NXPH1: variants seen among roughly 807,000 people sequenced by gnomAD.
NXPH1 encodes neurexophilin 1, also known as neurexophilin-1.
A neutral mutation model predicts 23.7 loss-of-function variants in NXPH1; 5 were observed. The observed-to-expected ratio is 0.21, with a 90% CI of 0.11 to 0.44. The LOEUF is 0.44. Ranked by LOEUF, NXPH1 falls within the 20% of genes least tolerant of loss-of-function variation. NXPH1 has a pLI of 0.99. For missense variants in NXPH1, 324 were observed against 321.6 expected, an observed-to-expected ratio of 1.01 and a Z score of -0.06; for synonymous variants, 144 against 122.2, an observed-to-expected ratio of 1.18 and a Z score of -1.18.
At chr7:8,616,951 G>C (rs988037986) in intron 2 of NXPH1, among the ~76,000 whole-genome samples, 1 of 152,032 alleles carries the variant, frequency 6.6e-6, no homozygotes, top group Non-Finnish European at 1.5e-5. Flanking sequence ...CGTTATAGTA[G>C]TTGTGCCAAG....
chr7:8,663,783 G>A lies in NXPH1; in HGVS notation c.55-87225G>A, dbSNP rs769891395. On this transcript the variant is annotated intron_variant, in intron 2 of 2. Coordinates refer to ENST00000405863, the MANE Select transcript of NXPH1 (RefSeq NM_152745.3). ...ATCCTGTGATACAGAGAAATAATTG[G>A]GTTTCCAATGTCTGATAGTCTTAAT... 3.9e-5 allele frequency among the ~76,000 whole-genome samples: 6 copies of A among 152,108 alleles called. No individual in the cohort carries two copies. In the East Asian group the frequency reaches 7.8e-4, roughly 20 times the overall value.
At chr7:8,488,249 T>C (rs771941608) in intron 2 of NXPH1, among the ~76,000 whole-genome samples, 4 of 148,372 alleles carry the variant, frequency 2.7e-5, no homozygotes, top group South Asian at 2.1e-4. Context: ...ATCTTACATA[T>C]TACATCTTAC....
Position 8,563,659 on chromosome 7 carries a change from A to C in NXPH1, c.54+127892A>C, listed in dbSNP as rs1022452711. Among the ~76,000 whole-genome samples, 3 of 151,714 alleles carry C rather than the reference A, an allele frequency of 2.0e-5. No homozygotes were observed. The South Asian group carries it at 6.2e-4, about 31-fold the overall frequency. On this transcript the variant is annotated intron_variant, in intron 2 of 2. Coordinates refer to ENST00000405863, the MANE Select transcript of NXPH1 (RefSeq NM_152745.3). ...GGAGAAGTCAAATTTCCTTGGGGTG[A>C]TTCTGGTTGGGGGAAAAGGTTACCC...
chr7:8,622,335 A>T (rs766223308), intron 2 of NXPH1, among the ~76,000 whole-genome samples: 3 of 152,202 alleles, frequency 2.0e-5, no homozygotes, highest in African/African-American at 4.8e-5. Context: ...AAAGTATTTA[A>T]GTAGCTTATA....
chr7:8,520,297 A>T (rs935343631), intron 2 of NXPH1, among the ~76,000 whole-genome samples: 2 of 152,170 alleles, frequency 1.3e-5, no homozygotes, highest in African/African-American at 4.8e-5. Flanking sequence ...AGACAATTCA[A>T]CAACTTCTTT....
At chr7:8,653,692 C>G (rs572783417) in intron 2 of NXPH1, among the ~76,000 whole-genome samples, 19 of 152,254 alleles carry the variant, frequency 1.2e-4, no homozygotes, top group African/African-American at 4.6e-4. Flanking sequence ...AATATTTGCC[C>G]TCTTGAATGC....
chr7:8,441,078 A>C (rs1027219206), intron 2 of NXPH1, among the ~76,000 whole-genome samples: 1 of 152,146 alleles, frequency 6.6e-6, no homozygotes, highest in Non-Finnish European at 1.5e-5. Context: ...GATTCGATTC[A>C]GGAAAGCTCC....
chr7:8,672,926 G>A (rs1820893682), intron 2 of NXPH1, among the ~76,000 whole-genome samples: 2 of 152,062 alleles, frequency 1.3e-5, no homozygotes, highest in African/African-American at 4.8e-5. Context: ...AAAAGAACAG[G>A]GATTTTGAAT....
chr7:8,668,870 G>T (rs575163796), intron 2 of NXPH1, among the ~76,000 whole-genome samples: 2 of 152,010 alleles, frequency 1.3e-5, no homozygotes, highest in South Asian at 2.1e-4. Context: ...GCACTCAGGG[G>T]TCTACTGTAG....
intron 2 of NXPH1, among the ~76,000 whole-genome samples, chr7:8,620,824 T>A (rs1300285620): frequency 4.6e-5 from 7 of 152,238 alleles, no homozygotes; most frequent in African/African-American, 1.7e-4. Flanking sequence ...TTTAAAGGCC[T>A]CATGGGGACA....
At chr7:8,608,266 G>A (rs1562423871) in intron 2 of NXPH1, among the ~76,000 whole-genome samples, 1 of 151,996 alleles carries the variant, frequency 6.6e-6, no homozygotes, top group African/African-American at 2.4e-5. Flanking sequence ...TGTTCTCAGG[G>A]ATAAATGGAA....
intron 2 of NXPH1, among the ~76,000 whole-genome samples, chr7:8,529,007 G>A (rs1489980980): frequency 6.6e-6 from 1 of 152,224 alleles, no homozygotes; most frequent in Non-Finnish European, 1.5e-5. Flanking sequence ...CCTCTTCCAA[G>A]TTCACCAGTT....
rs1398462112 is a variant in NXPH1 at position 8,484,531 on chromosome 7, C to T, written c.54+48764C>T. Among the ~76,000 whole-genome samples, 3 of 152,116 alleles carry T rather than the reference C, an allele frequency of 2.0e-5. No homozygotes were observed. The East Asian group carries it at 5.8e-4, about 29-fold the overall frequency. On this transcript the variant is annotated intron_variant, in intron 2 of 2. Transcript: ENST00000405863. Reference sequence around the variant, plus strand: ...ACATTTTAAATAATCCTAGGATTTACATTAATGAATGAAATAAGATTAGCC... The same window carrying T: ...ACATTTTAAATAATCCTAGGATTTATATTAATGAATGAAATAAGATTAGCC...
At chr7:8,534,071 ATCAGT>A (rs1411754356) in intron 2 of NXPH1, among the ~76,000 whole-genome samples, 1 of 152,134 alleles carries the variant, frequency 6.6e-6, no homozygotes, top group African/African-American at 2.4e-5. Context: ...GAAAAACAAC[ATCAGT>A]TAAGTCATTG....
chr7:8,508,997 A>G (rs763307625), intron 2 of NXPH1, among the ~76,000 whole-genome samples: 4 of 152,110 alleles, frequency 2.6e-5, no homozygotes, highest in Admixed American at 6.6e-5. Context: ...ATTCGTAAAA[A>G]CAACTCCATA....
chr7:8,447,439 A>G (rs1403773424), intron 2 of NXPH1, among the ~76,000 whole-genome samples: 1 of 152,234 alleles, frequency 6.6e-6, no homozygotes, highest in Non-Finnish European at 1.5e-5. Context: ...ATTTTGCAGA[A>G]CATGGCAGAG....
intron 2 of NXPH1, among the ~76,000 whole-genome samples, chr7:8,709,677 T>C (rs1779756988): frequency 6.6e-6 from 1 of 152,242 alleles, no homozygotes; most frequent in Non-Finnish European, 1.5e-5. Context: ...GAACATTCAC[T>C]TCAATTAAAA....
At chr7:8,655,096 T>C (rs1460493482) in intron 2 of NXPH1, among the ~76,000 whole-genome samples, 1 of 152,050 alleles carries the variant, frequency 6.6e-6, no homozygotes, top group East Asian at 1.9e-4. Flanking sequence ...GATGAAAAAA[T>C]ACAGGTGGCT....
intron 2 of NXPH1, among the ~76,000 whole-genome samples, chr7:8,533,594 T>A (rs1817984836): frequency 6.6e-6 from 1 of 152,186 alleles, no homozygotes. Context: ...GCTAGCGGTA[T>A]TATAGGCAAC....
Sources: allele counts gnomAD v4.1 joint callset (sites outside exome capture counted in the v4.1 genomes callset), GRCh38; gene constraint gnomAD v4.1.1; transcripts MANE v1.5; gene names NCBI Gene and HGNC (gene_info 2026-07-23, HGNC 2026-07-21).